THBS4: variants seen among roughly 807,000 people sequenced by gnomAD.
THBS4 encodes the protein thrombospondin 4.
A neutral mutation model predicts 115.7 loss-of-function variants in THBS4; 90 were observed. The observed-to-expected ratio is 0.78, with a 90% confidence interval of 0.66 to 0.93. The LOEUF (loss-of-function observed/expected upper bound fraction) is 0.93. Among genes scored for constraint, THBS4 ranks in the 40% least tolerant of loss-of-function variants. The pLI, the probability that THBS4 is intolerant of heterozygous loss-of-function variation, is 0.00. For synonymous variants in THBS4, 460 were observed against 479.3 expected, an observed-to-expected ratio of 0.96 and a Z score of 0.53; for missense variants, 1,087 against 1,232.7, an observed-to-expected ratio of 0.88 and a Z score of 1.77.
rs1300574527 is a variant in THBS4 at position 80,068,097 on chromosome 5, A to G, written c.1319A>G (p.Glu440Gly). 6.2e-7 allele frequency: 1 copy of G among 1,614,190 alleles called. No homozygotes were observed. Among genetic ancestry groups the G allele is most frequent in the Non-Finnish European group, 8.5e-7 (1 of 1,180,040 alleles). The change falls in exon 10 of 22, where the codon GAA becomes GGA. Residue 440 changes from glutamate to glycine, a missense_variant. Glu to Gly is a moderately conservative substitution (Grantham distance 98, BLOSUM62 -2). Coordinates refer to ENST00000350881, the MANE Select transcript of THBS4 (RefSeq NM_003248.6). ...NPCSVNAQCI[E>G]ERQGDVTCVC... ...TGCAGTGTGAATGCCCAGTGCATTG[A>G]AGAGAGGCAGGGGGATGTGACATGT...
In THBS4 at chr5:80,071,125, A is replaced by G. The variant is rs765060276; in HGVS notation, c.1665A>G (p.Lys555=). ...NCLSVLNNDQ[K]DTDGDGRGDA... ...TGAGTGTCTTAAATAACGACCAGAAAGACACCGATGGGGATGGAAGAGGAG... is the reference window on the plus strand; with the variant it reads ...TGAGTGTCTTAAATAACGACCAGAAGGACACCGATGGGGATGGAAGAGGAG... Residue 555 remains lysine (K), a synonymous_variant, in exon 13 of 22, where the codon AAA becomes AAG. Coordinates refer to ENST00000350881, the MANE Select transcript of THBS4 (RefSeq NM_003248.6). The G allele has an allele frequency of 8.1e-6, 13 of 1,609,112 alleles. No individual in the cohort carries two copies. The highest frequency in any genetic ancestry group is 4.0e-5 in the African/African-American group (3 of 74,792).
chr5:80,012,670 C>T (rs1054899871), intron 2 of THBS4, among the ~76,000 whole-genome samples: 2 of 152,152 alleles, frequency 1.3e-5, no homozygotes, highest in African/African-American at 4.8e-5. Context: ...CTCTCTTTGC[C>T]TTGGCTTCCT....
intron 4 of THBS4, 89 bp from the exon 5 acceptor site, chr5:80,058,619 G>A (rs1282105776): frequency 2.6e-6 from 3 of 1,146,240 alleles, no homozygotes; most frequent in African/African-American, 3.0e-5. Flanking sequence ...ATCTTGTCAG[G>A]ATGATTTCCT....
Position 80,077,042 on chromosome 5 carries a change from A to G in THBS4, c.2080A>G (p.Ser694Gly), listed in dbSNP as rs376437132. ...GGTCCCCAACCCAGCCCAGGAGGAT[A>G]GCAACAGTAAGCAGGCTCAGCCCAG... ...RLVPNPAQEDSNSDGVGDICE... is the reference protein window; with the variant it reads ...RLVPNPAQEDGNSDGVGDICE... The change falls in exon 16 of 22, where the codon AGC (serine) becomes GGC (glycine). Residue 694 changes from serine to glycine, a missense_variant. Physicochemically the swap from Ser to Gly is moderately conservative, Grantham distance 56. Transcript: ENST00000350881. The G allele has an allele frequency of 1.2e-6, 2 of 1,600,040 alleles. No homozygotes were observed. Among genetic ancestry groups the G allele is most frequent in the African/African-American group, 1.3e-5 (1 of 74,592 alleles).
At chr5:80,041,530 T>C (rs1317858424) in intron 2 of THBS4, among the ~76,000 whole-genome samples, 2 of 152,186 alleles carry the variant, frequency 1.3e-5, no homozygotes, top group Non-Finnish European at 1.5e-5. Context: ...ATGGAAAGAA[T>C]ATACCTCAAC....
In THBS4 at chr5:80,040,211, T is replaced by A. The variant is rs1032690390; in HGVS notation, c.223T>A (p.Phe75Ile). ...KLQTKSSATI[F>I]GLYSSTDNSK... ...GCAGACTAAAAGTTCAGCCACCATCTTCGGTCTTTACTCTTCAACTGACAA... is the reference window on the plus strand; with the variant it reads ...GCAGACTAAAAGTTCAGCCACCATCATCGGTCTTTACTCTTCAACTGACAA... The change falls in exon 2 of 22, where the codon TTC becomes ATC. Residue 75 changes from phenylalanine to isoleucine, a missense_variant. Phe to Ile is a conservative substitution (Grantham distance 21). Transcript: ENST00000350881. The A allele has an allele frequency of 6.2e-7, 1 of 1,614,052 alleles. No individual in the cohort carries two copies. The highest frequency in any genetic ancestry group is 1.3e-5 in the African/African-American group (1 of 74,920).
chr5:80,003,548 C>G (rs1831952766), intron 2 of THBS4, among the ~76,000 whole-genome samples: 1 of 152,194 alleles, frequency 6.6e-6, no homozygotes, highest in Non-Finnish European at 1.5e-5. Flanking sequence ...ATCTCTACTT[C>G]CCAGCCACAA....
intron 2 of THBS4, among the ~76,000 whole-genome samples, chr5:80,022,058 G>C (rs188898548): frequency 4.5e-4 from 68 of 152,168 alleles, no homozygotes; most frequent in East Asian, 4.5e-3. Context: ...TTCTATGAAA[G>C]GTTTCCTACT....
In THBS4 at chr5:80,055,966, G is replaced by A; in HGVS notation, c.474G>A (p.Arg158=). ...IQVDSVHNLP[R]AFAGPSQKPE... ...TGGATTCCGTTCACAATCTCCCCAG[G>A]GCCTTTGCTGGCCCCTCCCAGAAAC... Residue 158 remains arginine, a synonymous_variant, in exon 3 of 22, where the codon AGG becomes AGA. Transcript: ENST00000350881. The A allele has an allele frequency of 6.2e-7, 1 of 1,613,912 alleles. No individual in the cohort carries two copies. Among genetic ancestry groups the A allele is most frequent in the East Asian group, 2.2e-5 (1 of 44,874 alleles).
rs1421632648 is a variant in THBS4, at chr5:80,040,282, T to C, written c.292+2T>C. On this transcript the variant is annotated splice_donor_variant, in intron 2 of 21. Coordinates refer to ENST00000350881, the MANE Select transcript of THBS4 (RefSeq NM_003248.6). LOFTEE classifies it high-confidence loss of function. ...CTGTGATGGGACGCTTAAACAAAGG[T>C]AAGCAAATTTGCTGAAATTATTTTC... 1 of 1,609,094 alleles carries C rather than the reference T, an allele frequency of 6.2e-7. No individual in the cohort carries two copies. The highest frequency in any genetic ancestry group is 1.3e-5 in the African/African-American group (1 of 74,904).
chr5:80,011,291 T>C (rs551892696), intron 2 of THBS4, among the ~76,000 whole-genome samples: 1 of 152,266 alleles, frequency 6.6e-6, no homozygotes, highest in South Asian at 2.1e-4. Context: ...CAGTCCCATG[T>C]ATGTCTTTAT....
At chr5:80,082,984 C>A in intron 21 of THBS4, 96 bp from the exon 22 acceptor site, 2 of 1,097,520 alleles carry the variant, frequency 1.8e-6, no homozygotes, top group South Asian at 2.6e-5. Context: ...GGCGGGCTAA[C>A]AGCGCCCCCT....
chr5:80,002,185 G>T (rs1329200431), intron 2 of THBS4, among the ~76,000 whole-genome samples: 1 of 152,232 alleles, frequency 6.6e-6, no homozygotes, highest in East Asian at 1.9e-4. Context: ...GGTTACACTG[G>T]TGGGTACCCT....
intron 1 of THBS4, among the ~76,000 whole-genome samples, chr5:79,997,262 C>A (rs1260760479): frequency 1.3e-5 from 2 of 151,932 alleles, no homozygotes; most frequent in Non-Finnish European, 2.9e-5. Context: ...GATAAAAAAC[C>A]TAAGCTAAAT....
chr5:80,076,751 C>T (rs1743236308), intron 15 of THBS4, 104 bp from the exon 16 acceptor site: 1 of 1,222,350 alleles, frequency 8.2e-7, no homozygotes, highest in South Asian at 2.3e-5. Context: ...AAGAGCCAAC[C>T]CTGGTTTAAA....
Position 80,035,554 on chromosome 5 carries a change from G to C in THBS4, c.17G>C (p.Gly6Ala). 7.1e-7 allele frequency: 1 copy of C among 1,416,850 alleles called. No individual in the cohort carries two copies. Among genetic ancestry groups the C allele is most frequent in the South Asian group, 1.5e-5 (1 of 66,778 alleles). The allele number at this position is 1,416,850 out of a possible 1,614,324, so 87.8% of individuals were successfully genotyped here. The stretch of plus-strand genomic sequence containing the variant: ...AGAGCCAACATGCTGGCCCCGCGCG[G>C]AGCCGCCGTCCTCCTGCTGCACCTG... MLAPR[G>A]AAVLLLHLVL... The change falls in exon 1 of 22, where the codon GGA becomes GCA. Residue 6 changes from glycine (G) to alanine (A), a missense_variant. Physicochemically the swap from Gly to Ala is moderately conservative, Grantham distance 60. Coordinates refer to ENST00000350881, the MANE Select transcript of THBS4 (RefSeq NM_003248.6). The surrounding 1 kb of genome is among the most constrained non-coding windows in gnomAD (Gnocchi z 4.6).
At chr5:80,078,996 C>A (rs768389203) in intron 18 of THBS4, 27 bp downstream of exon 18, 1 of 1,613,786 alleles carries the variant, frequency 6.2e-7, no homozygotes, top group South Asian at 1.1e-5. Context: ...AGTTGCCACT[C>A]ACATAGAATT....
intron 2 of THBS4, among the ~76,000 whole-genome samples, chr5:80,018,690 C>T (rs888165925): frequency 1.3e-5 from 2 of 152,094 alleles, no homozygotes; most frequent in Non-Finnish European, 2.9e-5. Flanking sequence ...CCACCGTGCC[C>T]AGCCCAAATA....
chr5:80,070,775 G>A, intron 12 of THBS4, 25 bp downstream of exon 12: 1 of 1,609,226 alleles, frequency 6.2e-7, no homozygotes, highest in Non-Finnish European at 8.5e-7. Flanking sequence ...GGGAGGGCCT[G>A]TGAATTGCCA....
Sources: gnomAD v4.1 joint callset for allele counts (sites outside exome capture counted in the v4.1 genomes callset) on GRCh38, gnomAD v4.1.1 for gene constraint, Gnocchi (gnomAD v3.1) non-coding constraint, MANE v1.5 for transcripts, NCBI Gene and HGNC (gene_info 2026-07-23, HGNC 2026-07-21) for gene names.